The following PMEPA1 variants were observed in gnomAD, a reference collection of about 807,000 sequenced individuals.
The protein encoded by PMEPA1 is prostate transmembrane protein, androgen induced 1.
PMEPA1 carries 11 observed loss-of-function variants against 23.0 expected under a neutral mutation model. That is an observed-to-expected ratio of 0.48 (90% CI 0.30 to 0.79). PMEPA1 has a LOEUF of 0.79. Among genes scored for constraint, PMEPA1 ranks in the 30% least tolerant of loss-of-function variants. The pLI is 0.06. For synonymous variants in PMEPA1, 204 were observed against 166.4 expected, an observed-to-expected ratio of 1.23 and a Z score of -1.74; for missense variants, 377 against 390.9, an observed-to-expected ratio of 0.96 and a Z score of 0.30.
At chr20:57,670,971 A>AGC (rs1457199869) in intron 1 of PMEPA1, among the ~76,000 whole-genome samples, 1 of 152,034 alleles carries the variant, frequency 6.6e-6, no homozygotes, top group African/African-American at 2.4e-5. Flanking sequence ...AGGAGGATGC[A>AGC]GCGCGGCCGT....
At chr20:57,698,904 G>T (rs1754738045) in intron 1 of PMEPA1, among the ~76,000 whole-genome samples, 1 of 152,158 alleles carries the variant, frequency 6.6e-6, no homozygotes, top group Non-Finnish European at 1.5e-5. Context: ...GACATTGAGA[G>T]TCTCCCTTCT....
Position 57,655,549 on chromosome 20 carries a change from G to C in PMEPA1, c.265-2463C>G, listed in dbSNP as rs955338271. On this transcript the variant is annotated intron_variant, in intron 2 of 3. Coordinates refer to ENST00000341744, the MANE Select transcript of PMEPA1 (RefSeq NM_020182.5). The surrounding 1 kb of genome is among the most constrained non-coding windows in gnomAD (Gnocchi z 4.2). ...GTGGAATTAGGTTCCAAAGTGGCTT[G>C]AGAAGTCGGGGGAGGTGGGCCCAGC... Among the ~76,000 whole-genome samples, 1 of 152,218 alleles carries C rather than the reference G, an allele frequency of 6.6e-6. No individual in the cohort carries two copies. Among genetic ancestry groups the C allele is most frequent in the Non-Finnish European group, 1.5e-5 (1 of 68,026 alleles).
chr20:57,663,804 G>A (rs903262538), intron 1 of PMEPA1, among the ~76,000 whole-genome samples: 1 of 152,188 alleles, frequency 6.6e-6, no homozygotes, highest in Non-Finnish European at 1.5e-5. Flanking sequence ...GCTCCAGCCA[G>A]CAGCCGGGTC....
At chr20:57,681,569 A>G (rs2071714676) in intron 1 of PMEPA1, among the ~76,000 whole-genome samples, 1 of 152,162 alleles carries the variant, frequency 6.6e-6, no homozygotes, top group East Asian at 1.9e-4. Context: ...TAAAATAACC[A>G]ACTTTTTAAT....
At chr20:57,707,338 A>T (rs1304822809) in intron 1 of PMEPA1, among the ~76,000 whole-genome samples, 1 of 152,154 alleles carries the variant, frequency 6.6e-6, no homozygotes, top group African/African-American at 2.4e-5. Context: ...TCTGATGAAA[A>T]CAAACTGTTA....
chr20:57,668,265 A>C (rs1245710081), intron 1 of PMEPA1, among the ~76,000 whole-genome samples: 1 of 152,158 alleles, frequency 6.6e-6, no homozygotes, highest in Non-Finnish European at 1.5e-5. Flanking sequence ...TCTTGGTAGA[A>C]TCTTGGGATA....
chr20:57,661,954 C>T (rs372596), intron 1 of PMEPA1, among the ~76,000 whole-genome samples: 9,568 of 112,306 alleles, frequency 0.085, 1,125 homozygotes, highest in African/African-American at 0.28. Flanking sequence ...TACACTGCTA[C>T]TGAGCCAGTG....
intron 1 of PMEPA1, among the ~76,000 whole-genome samples, chr20:57,686,459 C>T (rs765443105): frequency 5.0e-4 from 76 of 152,190 alleles, no homozygotes; most frequent in Admixed American, 1.4e-3. Context: ...AAAGCCCAGA[C>T]GCTGGAACCA....
intron 1 of PMEPA1, among the ~76,000 whole-genome samples, chr20:57,663,308 G>C (rs1310429798): frequency 1.3e-5 from 2 of 152,190 alleles, no homozygotes; most frequent in African/African-American, 4.8e-5. Context: ...ACCCTGGAGA[G>C]GAGCAGGGTG....
intron 2 of PMEPA1, among the ~76,000 whole-genome samples, chr20:57,654,627 C>G (rs1320579969): frequency 6.6e-6 from 1 of 152,128 alleles, no homozygotes; most frequent in Non-Finnish European, 1.5e-5. Context: ...CACCCTTGTT[C>G]CACCCACCCT....
chr20:57,710,752 G>A (rs1422861689), upstream of PMEPA1: 4 of 410,358 alleles, frequency 9.7e-6, no homozygotes, highest in African/African-American at 2.1e-5. Flanking sequence ...GGTATGAGCA[G>A]GAGGGGTGTA....
At chr20:57,684,565 T>C (rs956059529) in intron 1 of PMEPA1, among the ~76,000 whole-genome samples, 1 of 152,184 alleles carries the variant, frequency 6.6e-6, no homozygotes, top group Non-Finnish European at 1.5e-5. Context: ...CCGGTTCCTG[T>C]TGGGCGGGTG....
At chr20:57,692,590 G>T (rs961317376) in intron 1 of PMEPA1, among the ~76,000 whole-genome samples, 2 of 152,220 alleles carry the variant, frequency 1.3e-5, no homozygotes, top group Non-Finnish European at 2.9e-5. Context: ...GCCACTTTTG[G>T]CCCCAGGAGG....
At chr20:57,698,772 G>A (rs1222982960) in intron 1 of PMEPA1, among the ~76,000 whole-genome samples, 3 of 152,140 alleles carry the variant, frequency 2.0e-5, no homozygotes. Context: ...AAGCTGTTCC[G>A]GACCTTGCAG....
At chr20:57,689,040 T>C (rs552867995) in intron 1 of PMEPA1, among the ~76,000 whole-genome samples, 36 of 152,350 alleles carry the variant, frequency 2.4e-4, no homozygotes, top group African/African-American at 8.2e-4. Flanking sequence ...GGGTTTTATT[T>C]AGACGGTGTC....
At chr20:57,667,578 CA>C (rs1012559869) in intron 1 of PMEPA1, among the ~76,000 whole-genome samples, 8 of 152,204 alleles carry the variant, frequency 5.3e-5, no homozygotes, top group Admixed American at 5.2e-4. Flanking sequence ...CAGTCTGTCC[CA>C]GGGGAGGGGC....
chr20:57,652,185 G>C lies in PMEPA1; in HGVS notation c.732C>G (p.Phe244Leu), dbSNP rs1239942075. ...EVIGHYPGSS[F>L]QHQQSSGPPS... is the part of the protein sequence containing the mutation. ...GCGGCCCACTGCTCTGCTGGTGCTG[G>C]AAGGAGGACCCCGGGTAGTGGCCGA... The change falls in exon 4 of 4, where the codon TTC (phenylalanine) becomes TTG (leucine). Residue 244 changes from phenylalanine to leucine, a missense_variant. Physicochemically the swap from Phe to Leu is conservative, Grantham distance 22. Coordinates refer to ENST00000341744, the MANE Select transcript of PMEPA1 (RefSeq NM_020182.5). This position sits in a 1 kb window ranked among gnomAD's most constrained non-coding sequence, Gnocchi z 6.1. 4.3e-6 allele frequency: 7 copies of C among 1,609,728 alleles called. No individual in the cohort carries two copies. The highest frequency in any genetic ancestry group is 5.9e-6 in the Non-Finnish European group (7 of 1,178,794).
chr20:57,670,723 G>A (rs995171712), intron 1 of PMEPA1, among the ~76,000 whole-genome samples: 3 of 152,146 alleles, frequency 2.0e-5, no homozygotes, highest in East Asian at 1.9e-4. Flanking sequence ...ATCAATGAAC[G>A]GCACATACCT....
At chr20:57,707,040 C>A (rs911792457) in intron 1 of PMEPA1, among the ~76,000 whole-genome samples, 2 of 152,120 alleles carry the variant, frequency 1.3e-5, no homozygotes, top group Non-Finnish European at 2.9e-5. Context: ...GGCTTAAGGA[C>A]CTAGCAAGGT....
Sources: gnomAD v4.1 joint callset for allele counts (sites outside exome capture counted in the v4.1 genomes callset) on GRCh38, gnomAD v4.1.1 for gene constraint, Gnocchi (gnomAD v3.1) non-coding constraint, MANE v1.5 for transcripts, NCBI Gene and HGNC (gene_info 2026-07-23, HGNC 2026-07-21) for gene names.